Variants in AGAP1 observed in about 807,000 individuals in gnomAD.
The protein encoded by AGAP1 is ArfGAP with GTPase domain, ankyrin repeat and PH domain 1.
A neutral mutation model predicts 105.3 loss-of-function variants in AGAP1; 29 were observed. The observed-to-expected ratio is 0.28, with a 90% confidence interval of 0.21 to 0.38. The LOEUF (loss-of-function observed/expected upper bound fraction) is 0.38, where lower values mean the gene tolerates loss of function less well. Among genes scored for constraint, AGAP1 ranks in the 10% least tolerant of loss-of-function variants. AGAP1 has a pLI of 1.00. For synonymous variants in AGAP1, 509 were observed against 485.9 expected (o/e 1.05, Z -0.63); for missense variants, 998 against 1,165.1 (o/e 0.86, Z 2.09).
chr2:235,797,437 G>A (rs375465552), intron 6 of AGAP1, among the ~76,000 whole-genome samples: 5 of 151,738 alleles, frequency 3.3e-5, no homozygotes, highest in African/African-American at 1.2e-4. Context: ...CAACAAGTAG[G>A]AAAAACATAC....
At chr2:235,525,002 A>G (rs115085729) in intron 1 of AGAP1, among the ~76,000 whole-genome samples, 1 of 152,402 alleles carries the variant, frequency 6.6e-6, no homozygotes, top group Non-Finnish European at 1.5e-5. Context: ...CTTAGTCTGC[A>G]GAATCTGAAT....
intron 6 of AGAP1, among the ~76,000 whole-genome samples, chr2:235,780,366 C>G (rs1193398958): frequency 6.6e-6 from 1 of 151,970 alleles, no homozygotes; most frequent in African/African-American, 2.4e-5. Flanking sequence ...CTTAGTAATA[C>G]TAATAAAGAC....
At chr2:235,541,933 A>G (rs775773943) in intron 1 of AGAP1, among the ~76,000 whole-genome samples, 9 of 152,144 alleles carry the variant, frequency 5.9e-5, no homozygotes, top group African/African-American at 1.9e-4. Flanking sequence ...ATAATATTCT[A>G]CTTAATGAAT....
At position 235,864,560 on chromosome 2, in the gene AGAP1, A is replaced by G. The variant is rs1353070915; in HGVS notation, c.1051-18785A>G. Among the ~76,000 whole-genome samples the G allele has an allele frequency of 6.6e-6, 1 of 152,182 alleles. No individual in the cohort carries two copies. Among genetic ancestry groups the G allele is most frequent in the Non-Finnish European group, 1.5e-5 (1 of 68,026 alleles). On this transcript the variant is annotated intron_variant, in intron 9 of 17. Transcript: ENST00000304032. This position sits in a 1 kb window ranked among gnomAD's most constrained non-coding sequence, Gnocchi z 5.0. ...CAAACGCAGGTCAGCATGGAGGGGC[A>G]GCCTGCAGAGGTGTCACCAGCAGCC...
rs538489923 is a variant in AGAP1 at position 235,877,868 on chromosome 2, T to G, written c.1051-5477T>G. Reference sequence around the variant, plus strand: ...GGCCACACTTTGAGCTGGAAAGTGCTTCCGTCTTTTGCCAACTTAAAATTT... The same window carrying G: ...GGCCACACTTTGAGCTGGAAAGTGCGTCCGTCTTTTGCCAACTTAAAATTT... On this transcript the variant is annotated intron_variant, in intron 9 of 17. Coordinates refer to ENST00000304032, the MANE Select transcript of AGAP1 (RefSeq NM_001037131.3). This position sits in a 1 kb window ranked among gnomAD's most constrained non-coding sequence, Gnocchi z 4.3. 1.3e-5 allele frequency among the ~76,000 whole-genome samples: 2 copies of G among 152,200 alleles called. No homozygotes were observed. The highest frequency in any genetic ancestry group is 2.4e-5 in the African/African-American group (1 of 41,456).
At chr2:235,884,659 G>A (rs531438159) in intron 10 of AGAP1, among the ~76,000 whole-genome samples, 2 of 151,984 alleles carry the variant, frequency 1.3e-5, no homozygotes, top group East Asian at 3.9e-4. Flanking sequence ...TCACCATGTT[G>A]GCCAGGCTGG....
intron 6 of AGAP1, among the ~76,000 whole-genome samples, chr2:235,797,158 A>G (rs1300240939): frequency 6.6e-6 from 1 of 152,150 alleles, no homozygotes; most frequent in African/African-American, 2.4e-5. Context: ...TTGTCTTTCC[A>G]AGGGGTTTGG....
chr2:235,892,106 G>A (rs529055853), intron 10 of AGAP1, among the ~76,000 whole-genome samples: 12 of 151,660 alleles, frequency 7.9e-5, no homozygotes, highest in African/African-American at 2.7e-4. Context: ...GTGAGCCGAC[G>A]TGGTGCCACT....
rs572850828 is a variant in AGAP1, at chr2:236,090,666, A to G, written c.2115-29526A>G. 6.6e-6 allele frequency among the ~76,000 whole-genome samples: 1 copy of G among 152,266 alleles called. No individual in the cohort carries two copies. The highest frequency in any genetic ancestry group is 2.4e-5 in the African/African-American group (1 of 41,556). On this transcript the variant is annotated intron_variant, in intron 16 of 17. Coordinates refer to ENST00000304032, the MANE Select transcript of AGAP1 (RefSeq NM_001037131.3). The surrounding 1 kb of genome is among the most constrained non-coding windows in gnomAD (Gnocchi z 4.3). ...GCAGGGAGGGGGTCTTCCTGGTTAT[A>G]CGGCCCAGCTTGCAAACATAATCCT...
rs1309642611 is a variant in AGAP1 at position 235,977,012 on chromosome 2, C to T, written c.1645+8389C>T. Among the ~76,000 whole-genome samples, 1 of 152,194 alleles carries T rather than the reference C, an allele frequency of 6.6e-6. No homozygotes were observed. Among genetic ancestry groups the T allele is most frequent in the African/African-American group, 2.4e-5 (1 of 41,434 alleles). ...ACCTTTGAAAAATGCTGACTACTCACAAGGTCCCTTTCTAAGATACAGAAA... is the reference window on the plus strand; with the variant it reads ...ACCTTTGAAAAATGCTGACTACTCATAAGGTCCCTTTCTAAGATACAGAAA... On this transcript the variant is annotated intron_variant, in intron 13 of 17. Coordinates refer to ENST00000304032, the MANE Select transcript of AGAP1 (RefSeq NM_001037131.3). The surrounding 1 kb of genome is among the most constrained non-coding windows in gnomAD (Gnocchi z 5.2).
At chr2:236,007,920 C>T (rs2056378118) in intron 13 of AGAP1, among the ~76,000 whole-genome samples, 1 of 152,204 alleles carries the variant, frequency 6.6e-6, no homozygotes, top group East Asian at 1.9e-4. Flanking sequence ...CAGTGCTGCT[C>T]AACACACACA....
At chr2:236,075,066 C>T (rs150265467) in intron 16 of AGAP1, among the ~76,000 whole-genome samples, 15 of 152,096 alleles carry the variant, frequency 9.9e-5, no homozygotes, top group African/African-American at 3.4e-4. Context: ...AAGAAAAAAG[C>T]GAGACACAAA....
In AGAP1 at chr2:236,127,305, CCT is replaced by C. The variant is rs1045154223; in HGVS notation, c.*3190_*3191del. 3.9e-5 allele frequency: 6 copies of C among 152,172 alleles called. No homozygotes were observed. Among genetic ancestry groups the C allele is most frequent in the Non-Finnish European group, 5.9e-5 (4 of 68,042 alleles). The allele number at this position is 152,172 out of a possible 1,614,324, so 9.4% of individuals were successfully genotyped here. On this transcript the variant is annotated 3_prime_UTR_variant, in exon 18 of 18. Transcript: ENST00000304032. The surrounding 1 kb of genome is among the most constrained non-coding windows in gnomAD (Gnocchi z 6.6). ...AGCACCCCAGTCCTGGTCCCTGGTC[CCT>C]CTCTCTGTTTCATCCCAGGAAATGA...
chr2:235,794,767 C>T (rs1407891225), intron 6 of AGAP1, among the ~76,000 whole-genome samples: 1 of 152,154 alleles, frequency 6.6e-6, no homozygotes, highest in Non-Finnish European at 1.5e-5. Context: ...CCACCGCGCC[C>T]AGCCGCTTCC....
At position 235,499,753 on chromosome 2, in the gene AGAP1, G is replaced by T. The variant is rs531921696; in HGVS notation, c.163+4904G>T. 2.0e-5 allele frequency among the ~76,000 whole-genome samples: 3 copies of T among 152,264 alleles called. No individual in the cohort carries two copies. The South Asian group carries it at 6.2e-4, about 32-fold the overall frequency. On this transcript the variant is annotated intron_variant, in intron 1 of 17. Transcript: ENST00000304032. Reference sequence around the variant, plus strand: ...CAGAATTAAGGCCCTCCTGGTCTCTGCCCACCGTGTTTGGCTCATCTACTT... The same window carrying T: ...CAGAATTAAGGCCCTCCTGGTCTCTTCCCACCGTGTTTGGCTCATCTACTT...
At chr2:236,043,316 A>G (rs567181872) in intron 15 of AGAP1, among the ~76,000 whole-genome samples, 1 of 152,356 alleles carries the variant, frequency 6.6e-6, no homozygotes, top group African/African-American at 2.4e-5. Flanking sequence ...CTGTCTTTCC[A>G]GATGTTCATC....
At chr2:235,946,363 G>A (rs1293945403) in intron 12 of AGAP1, among the ~76,000 whole-genome samples, 1 of 144,886 alleles carries the variant, frequency 6.9e-6, no homozygotes, top group African/African-American at 2.6e-5. Flanking sequence ...TCAGCTCACT[G>A]CAGCCTCTTC....
rs1575006164 is a variant in AGAP1, at chr2:235,633,670, T to C, written c.164-75509T>C. Among the ~76,000 whole-genome samples, 1 of 152,276 alleles carries C rather than the reference T, an allele frequency of 6.6e-6. No individual in the cohort carries two copies. The highest frequency in any genetic ancestry group is 1.9e-4 in the East Asian group (1 of 5,176). ...AAGGCCTGTCTGTTCAGATTCCTCT[T>C]GGCCTCTGTGTAACATTTCTTCCTC... On this transcript the variant is annotated intron_variant, in intron 1 of 17. Coordinates refer to ENST00000304032, the MANE Select transcript of AGAP1 (RefSeq NM_001037131.3). This position sits in a 1 kb window ranked among gnomAD's most constrained non-coding sequence, Gnocchi z 4.8.
At chr2:236,100,244 C>CA (rs985186193) in intron 16 of AGAP1, among the ~76,000 whole-genome samples, 1 of 152,070 alleles carries the variant, frequency 6.6e-6, no homozygotes, top group Non-Finnish European at 1.5e-5. Context: ...TTTGCATTAT[C>CA]AAAGTCAGTG....
Sources: allele counts gnomAD v4.1 joint callset (sites outside exome capture counted in the v4.1 genomes callset), GRCh38; gene constraint gnomAD v4.1.1; non-coding constraint Gnocchi (gnomAD v3.1); transcripts MANE v1.5; gene names NCBI Gene and HGNC (gene_info 2026-07-23, HGNC 2026-07-21).